The following SEC23A variants were observed in gnomAD, a reference collection of about 807,000 sequenced individuals.
SEC23A encodes SEC23 homolog A, COPII component.
A neutral mutation model predicts 103.7 loss-of-function variants in SEC23A; 56 were observed. That is an observed-to-expected ratio of 0.54 (90% CI 0.44 to 0.67). SEC23A has a LOEUF of 0.67. Among genes scored for constraint, SEC23A ranks in the 30% least tolerant of loss-of-function variants. The pLI, the probability that SEC23A is intolerant of heterozygous loss-of-function variation, is 0.00. For missense variants in SEC23A, 784 were observed against 936.4 expected (o/e 0.84, Z 2.12); for synonymous variants, 281 against 293.0 (o/e 0.96, Z 0.42).
chr14:39,080,684 G>T (rs1441672598), intron 7 of SEC23A, among the ~76,000 whole-genome samples: 1 of 152,164 alleles, frequency 6.6e-6, no homozygotes, highest in Non-Finnish European at 1.5e-5. Flanking sequence ...GGGATTACAG[G>T]CATGAGCCAC....
At chr14:39,066,391 C>G (rs1886668131) in intron 10 of SEC23A, among the ~76,000 whole-genome samples, 1 of 151,230 alleles carries the variant, frequency 6.6e-6, no homozygotes, top group Non-Finnish European at 1.5e-5. Context: ...ATTTTAAATC[C>G]AAATTTGAAA....
At chr14:39,044,433 G>A (rs985219929) in intron 16 of SEC23A, among the ~76,000 whole-genome samples, 1 of 151,518 alleles carries the variant, frequency 6.6e-6, no homozygotes, top group Non-Finnish European at 1.5e-5. Flanking sequence ...TCATTGTAAC[G>A]AAATAAAATA....
intron 8 of SEC23A, among the ~76,000 whole-genome samples, chr14:39,075,452 G>A (rs1339036808): frequency 6.6e-6 from 1 of 152,032 alleles, no homozygotes; most frequent in Non-Finnish European, 1.5e-5. Context: ...GAATATAAGA[G>A]AGTCAAAAAT....
At chr14:39,073,669 G>A (rs1278041513) in intron 9 of SEC23A, among the ~76,000 whole-genome samples, 1 of 144,932 alleles carries the variant, frequency 6.9e-6, no homozygotes, top group East Asian at 2.0e-4. Context: ...GAGTGCAGTG[G>A]CATGATCTCA....
intron 12 of SEC23A, 105 bp downstream of exon 12, chr14:39,063,219 T>C: frequency 1.4e-6 from 1 of 703,838 alleles, no homozygotes; most frequent in Non-Finnish European, 2.5e-6. Flanking sequence ...AAATGTTGGG[T>C]TATATCTACT....
intron 7 of SEC23A, among the ~76,000 whole-genome samples, chr14:39,083,942 ATTAT>A (rs1367152853): frequency 6.6e-6 from 1 of 152,168 alleles, no homozygotes; most frequent in African/African-American, 2.4e-5. Flanking sequence ...GGAGAAAAAA[ATTAT>A]TTATACACTT....
intron 8 of SEC23A, among the ~76,000 whole-genome samples, chr14:39,075,728 C>T (rs1307432987): frequency 6.6e-6 from 1 of 152,134 alleles, no homozygotes; most frequent in Non-Finnish European, 1.5e-5. Context: ...CCTACTGACA[C>T]GTACTATGAA....
At chr14:39,053,675 T>TTAAAATTACATGACAAGAC (rs1940159586) in intron 14 of SEC23A, among the ~76,000 whole-genome samples, 2 of 152,282 alleles carry the variant, frequency 1.3e-5, no homozygotes. Context: ...TCAAGAATTT[T>TTAAAATTACATGACAAGAC]TAAAATTACA....
intron 5 of SEC23A, chr14:39,087,515 C>T (rs910864409): frequency 6.1e-6 from 1 of 163,822 alleles, no homozygotes; most frequent in Non-Finnish European, 1.3e-5. Flanking sequence ...AGTTATAAGG[C>T]TCACGTACTT....
At position 39,074,492 on chromosome 14, in the gene SEC23A, G is replaced by T; in HGVS notation, c.1026C>A (p.Gly342=). 6.2e-7 allele frequency: 1 copy of T among 1,613,134 alleles called. No individual in the cohort carries two copies. Reference sequence around the variant, plus strand: ...CACACGCATAGATATCAATAACATGGCCAGTTGTAGCAGCTCGATTAGCCA... The same window carrying T: ...CACACGCATAGATATCAATAACATGTCCAGTTGTAGCAGCTCGATTAGCCA... The part of the protein sequence containing the change: ...EALANRAATT[G]HVIDIYACAL... Residue 342 remains glycine, a synonymous_variant, in exon 9 of 20, where the codon GGC becomes GGA. Transcript: ENST00000307712.
intron 14 of SEC23A, among the ~76,000 whole-genome samples, chr14:39,054,383 A>C (rs766630799): frequency 6.6e-6 from 1 of 152,120 alleles, no homozygotes; most frequent in Non-Finnish European, 1.5e-5. Context: ...ACTACTAATA[A>C]CTTTATTAGC....
intron 15 of SEC23A, among the ~76,000 whole-genome samples, chr14:39,046,435 TG>T (rs1885842040): frequency 6.6e-6 from 1 of 152,146 alleles, no homozygotes; most frequent in Non-Finnish European, 1.5e-5. Context: ...ATTGTATCAC[TG>T]CACTCCAGCC....
At chr14:39,099,160 T>G (rs1887996682) in intron 1 of SEC23A, among the ~76,000 whole-genome samples, 2 of 141,684 alleles carry the variant, frequency 1.4e-5, no homozygotes, top group Non-Finnish European at 3.1e-5. Flanking sequence ...TTGGGTTTTT[T>G]TTTTTTTTTT....
chr14:39,098,165 A>T (rs1372509890), intron 1 of SEC23A, among the ~76,000 whole-genome samples: 1 of 152,166 alleles, frequency 6.6e-6, no homozygotes, highest in Non-Finnish European at 1.5e-5. Context: ...TTTCAAGGAA[A>T]AGTGTTGAAA....
intron 5 of SEC23A, among the ~76,000 whole-genome samples, chr14:39,089,917 A>G (rs146000926): frequency 0.015 from 2,225 of 152,246 alleles, 64 homozygotes; most frequent in African/African-American, 0.05. Context: ...GATTGTGCCA[A>G]TGCAGTCCAG....
chr14:39,092,773 T>A (rs1001722967), intron 3 of SEC23A, 146 bp from the exon 4 acceptor site: 14 of 614,052 alleles, frequency 2.3e-5, no homozygotes, highest in Non-Finnish European at 3.7e-5. Flanking sequence ...TATCTTTTTT[T>A]AAATATGCAT....
rs759224683 is a variant in SEC23A, at chr14:39,093,243, G to A, written c.223C>T (p.Gln75Ter). Residue 75 changes from glutamine (Q) to a stop codon, truncating the protein, a stop_gained and splice_region_variant, in exon 3 of 20, where the codon CAA becomes TAA. Coordinates refer to ENST00000307712, the MANE Select transcript of SEC23A (RefSeq NM_006364.4). LOFTEE classifies it high-confidence loss of function. The part of the protein sequence containing the change: ...TCRAVLNPLC[Q>*]VDYRAKLWAC... The stretch of plus-strand genomic sequence containing the variant: ...CAAAGTTTTGCTCGATAATCCACTT[G>A]ACTGTTTTAAAAAAAAAGAAAAGAC... 1.2e-6 allele frequency: 2 copies of A among 1,608,298 alleles called. No homozygotes were observed. The highest frequency in any genetic ancestry group is 8.5e-7 in the Non-Finnish European group (1 of 1,178,752).
intron 7 of SEC23A, among the ~76,000 whole-genome samples, chr14:39,083,289 G>C (rs183716770): frequency 4.6e-5 from 7 of 152,184 alleles, no homozygotes; most frequent in African/African-American, 1.7e-4. Flanking sequence ...ACGCATATCT[G>C]ATTGCTCCTT....
At chr14:39,049,508 G>A (rs1885969113) in intron 14 of SEC23A, among the ~76,000 whole-genome samples, 1 of 151,544 alleles carries the variant, frequency 6.6e-6, no homozygotes, top group Non-Finnish European at 1.5e-5. Context: ...CAAGTGTGCT[G>A]ACTCATGCCT....
Sources: allele counts gnomAD v4.1 joint callset (sites outside exome capture counted in the v4.1 genomes callset), GRCh38; gene constraint gnomAD v4.1.1; transcripts MANE v1.5; gene names NCBI Gene and HGNC (gene_info 2026-07-23, HGNC 2026-07-21).